Variants in PTPRT observed in about 807,000 individuals in gnomAD.
The protein encoded by PTPRT is receptor-type tyrosine-protein phosphatase T.
A neutral mutation model predicts 176.8 loss-of-function variants in PTPRT; 56 were observed. That is an observed-to-expected ratio of 0.32 (90% CI 0.26 to 0.40). PTPRT has a LOEUF of 0.40. Among genes scored for constraint, PTPRT ranks in the 10% least tolerant of loss-of-function variants. PTPRT has a pLI of 1.00. For missense variants in PTPRT, 1,540 were observed against 1,908.2 expected, an observed-to-expected ratio of 0.81 and a Z score of 3.60; for synonymous variants, 783 against 739.0, an observed-to-expected ratio of 1.06 and a Z score of -0.96.
intron 1 of PTPRT, among the ~76,000 whole-genome samples, chr20:42,979,029 T>C (rs1014514149): frequency 6.6e-6 from 1 of 152,180 alleles, no homozygotes; most frequent in African/African-American, 2.4e-5. Context: ...CAAAGAACCC[T>C]CTCTTGGAGT....
At chr20:42,352,424 C>G in intron 9 of PTPRT, 139 bp from the exon 10 acceptor site, 1 of 751,148 alleles carries the variant, frequency 1.3e-6, no homozygotes, top group Non-Finnish European at 2.2e-6. Context: ...GCTAAGCTGC[C>G]TGTTGCTGTC....
intron 2 of PTPRT, among the ~76,000 whole-genome samples, chr20:42,882,385 CCCTG>C (rs2079023913): frequency 6.6e-6 from 1 of 152,130 alleles, no homozygotes; most frequent in South Asian, 2.1e-4. Flanking sequence ...TGAAATGACA[CCCTG>C]CCATAATGAG....
intron 1 of PTPRT, among the ~76,000 whole-genome samples, chr20:43,067,193 T>G (rs970179847): frequency 3.3e-5 from 5 of 152,030 alleles, no homozygotes; most frequent in African/African-American, 1.2e-4. Context: ...GCCTTGAAAA[T>G]TATGCTAAGT....
chr20:42,513,296 T>C (rs1040008236), intron 7 of PTPRT, among the ~76,000 whole-genome samples: 1 of 151,664 alleles, frequency 6.6e-6, no homozygotes, highest in African/African-American at 2.4e-5. Context: ...GAAGAAGCCA[T>C]TGTTTTTCTT....
chr20:42,475,992 G>A (rs1354851966), intron 7 of PTPRT, among the ~76,000 whole-genome samples: 7 of 152,128 alleles, frequency 4.6e-5, no homozygotes, highest in South Asian at 2.1e-4. Flanking sequence ...GGCTTGAAGC[G>A]AGACTCTGGC....
chr20:42,369,821 C>T (rs910531982), intron 9 of PTPRT, among the ~76,000 whole-genome samples: 3 of 152,224 alleles, frequency 2.0e-5, no homozygotes, highest in Non-Finnish European at 4.4e-5. Flanking sequence ...AATCATTTTT[C>T]ATCCCCTGCT....
chr20:42,758,781 A>T (rs2076873829), intron 5 of PTPRT, among the ~76,000 whole-genome samples: 1 of 152,202 alleles, frequency 6.6e-6, no homozygotes, highest in African/African-American at 2.4e-5. Context: ...GCAGCTTCCA[A>T]GCTATGCAGA....
chr20:42,342,665 T>C (rs191447107), intron 11 of PTPRT, among the ~76,000 whole-genome samples: 10 of 152,346 alleles, frequency 6.6e-5, no homozygotes, highest in African/African-American at 2.4e-4. Flanking sequence ...GACACCATCA[T>C]ATGCTGGTAT....
At chr20:42,992,313 T>C (rs1983960235) in intron 1 of PTPRT, among the ~76,000 whole-genome samples, 1 of 152,180 alleles carries the variant, frequency 6.6e-6, no homozygotes, top group Admixed American at 6.5e-5. Context: ...CTAGACAAGT[T>C]GTTGTAGTTC....
At chr20:42,442,967 C>A (rs1046592536) in intron 9 of PTPRT, among the ~76,000 whole-genome samples, 1 of 152,150 alleles carries the variant, frequency 6.6e-6, no homozygotes, top group Non-Finnish European at 1.5e-5. Flanking sequence ...GCCACACCAC[C>A]CTTCTGCACA....
intron 15 of PTPRT, among the ~76,000 whole-genome samples, chr20:42,221,653 G>A (rs2055889003): frequency 6.6e-6 from 1 of 151,946 alleles, no homozygotes; most frequent in Admixed American, 6.6e-5. Context: ...CCAAGTAGCT[G>A]GAACCACAGG....
chr20:42,324,768 A>C (rs6093621), intron 11 of PTPRT, among the ~76,000 whole-genome samples: 3 of 152,116 alleles, frequency 2.0e-5, no homozygotes, highest in Non-Finnish European at 4.4e-5. Context: ...GAAATTTACA[A>C]TGATATGTCT....
intron 7 of PTPRT, among the ~76,000 whole-genome samples, chr20:42,640,371 A>G (rs35553976): frequency 0.1 from 15,813 of 152,030 alleles, 1,039 homozygotes; most frequent in Middle Eastern, 0.16. Context: ...CTGGGCACCA[A>G]TCTTTAAGTA....
At chr20:42,402,908 G>A (rs1212210603) in intron 9 of PTPRT, among the ~76,000 whole-genome samples, 6 of 152,024 alleles carry the variant, frequency 3.9e-5, no homozygotes, top group Non-Finnish European at 8.8e-5. Flanking sequence ...GTATTACAAG[G>A]ACCACTATAA....
intron 14 of PTPRT, among the ~76,000 whole-genome samples, chr20:42,238,772 T>C (rs1010597418): frequency 6.6e-6 from 1 of 152,178 alleles, no homozygotes; most frequent in East Asian, 1.9e-4. Flanking sequence ...ATGGCATAGA[T>C]GACCGACAGC....
intron 7 of PTPRT, among the ~76,000 whole-genome samples, chr20:42,486,620 C>A (rs1271850810): frequency 6.6e-6 from 1 of 152,136 alleles, no homozygotes; most frequent in Non-Finnish European, 1.5e-5. Flanking sequence ...AAATCACCCC[C>A]AAAGCCACGG....
chr20:42,234,808 G>T (rs558069568), intron 15 of PTPRT, among the ~76,000 whole-genome samples: 3 of 152,310 alleles, frequency 2.0e-5, no homozygotes, highest in Admixed American at 6.5e-5. Flanking sequence ...GGGCCCATTT[G>T]TTCCCATATA....
chr20:42,829,819 C>T lies in PTPRT; in HGVS notation c.215-38353G>A, dbSNP rs567652930. Reference sequence around the variant, plus strand: ...TTATCCTTAGAAACTACCATGAACACCTCTATGCCCACAAACTAGAAAACC... The same window carrying T: ...TTATCCTTAGAAACTACCATGAACATCTCTATGCCCACAAACTAGAAAACC... On this transcript the variant is annotated intron_variant, in intron 2 of 30. Coordinates refer to ENST00000373187, the MANE Select transcript of PTPRT (RefSeq NM_007050.6). Among the ~76,000 whole-genome samples the T allele has an allele frequency of 3.4e-4, 52 of 152,276 alleles. 1 individual carries two copies. The highest frequency in any genetic ancestry group is 1.2e-3 in the African/African-American group (49 of 41,556).
chr20:42,086,741 A>ATATATATATATATATAT lies in PTPRT; in HGVS notation c.3847-889_3847-888insATATATATATATATATA, dbSNP rs1311915259. Among the ~76,000 whole-genome samples, 3 of 37,974 alleles carry ATATATATATATATATAT rather than the reference A, an allele frequency of 7.9e-5. 1 individual carries two copies. The highest frequency in any genetic ancestry group is 1.2e-4 in the Non-Finnish European group (2 of 16,944). 24.9% of individuals were successfully genotyped at this position (37,974 alleles called of 152,430 possible). A position where few individuals can be genotyped will look rare whatever the true frequency, so the allele number is the denominator to read the frequency against. ...GACTCCATCTCAAAAAAAAAAAAAA[A>ATATATATATATATATAT]AAAAAAAAAAAAATATATATATATA... On this transcript the variant is annotated intron_variant, in intron 27 of 30. Transcript: ENST00000373187.
Sources: allele counts gnomAD v4.1 joint callset (sites outside exome capture counted in the v4.1 genomes callset), GRCh38; gene constraint gnomAD v4.1.1; transcripts MANE v1.5; gene names NCBI Gene and HGNC (gene_info 2026-07-23, HGNC 2026-07-21).